Variants in BCL2L15 observed in about 807,000 individuals in gnomAD.
BCL2L15 encodes the protein bcl-2-like protein 15.
A neutral mutation model predicts 18.3 loss-of-function variants in BCL2L15; 15 were observed. The ratio of observed to expected loss-of-function variants is 0.82; its 90% CI spans 0.55 to 1.26. The LOEUF is 1.26. BCL2L15 is among the 50% of genes most tolerant of loss of function. BCL2L15 has a pLI of 0.00. For synonymous variants in BCL2L15, 58 were observed against 68.5 expected, an observed-to-expected ratio of 0.85 and a Z score of 0.76; for missense variants, 180 against 201.7, an observed-to-expected ratio of 0.89 and a Z score of 0.65.
At position 113,882,457 on chromosome 1, in the gene BCL2L15, C is replaced by T. The variant is rs539160163; in HGVS notation, c.250-460G>A. 3.5e-4 allele frequency among the ~76,000 whole-genome samples: 54 copies of T among 152,120 alleles called. No homozygotes were observed. In the Middle Eastern group the frequency reaches 0.01, roughly 29 times the overall value. The stretch of plus-strand genomic sequence containing the variant: ...GTCAGGAGTTCAAGACCAGCCTGGC[C>T]AACATGCTGAAACCCTGTCTCTACT... On this transcript the variant is annotated intron_variant, in intron 2 of 3. Coordinates refer to ENST00000393316, the MANE Select transcript of BCL2L15 (RefSeq NM_001010922.3).
chr1:113,878,781 AC>A lies in BCL2L15; in HGVS notation c.*2341del, dbSNP rs1207915158. The A allele has an allele frequency of 2.0e-5, 3 of 152,352 alleles. No homozygotes were observed. The highest frequency in any genetic ancestry group is 4.4e-5 in the Non-Finnish European group (3 of 68,044). The allele number at this position is 152,352 out of a possible 1,614,324, so 9.4% of individuals were successfully genotyped here. ...ATAATTTCTACTAAAGAGAAACAGG[AC>A]ACATCATTTATGGATTACTAACTTG... On this transcript the variant is annotated 3_prime_UTR_variant, in exon 4 of 4. Coordinates refer to ENST00000393316, the MANE Select transcript of BCL2L15 (RefSeq NM_001010922.3).
intron 2 of BCL2L15, among the ~76,000 whole-genome samples, chr1:113,886,025 T>G (rs1249858574): frequency 6.6e-6 from 1 of 151,340 alleles, no homozygotes; most frequent in African/African-American, 2.4e-5. Flanking sequence ...CCGGGCAACA[T>G]GGCAAAAACC....
chr1:113,878,225 A>G lies in BCL2L15; in HGVS notation c.*2898T>C, dbSNP rs149744223. ...ACAAAAATCTTATTAATAAGTTACC[A>G]AATCATCTCTATTTTACAAATGTAG... On this transcript the variant is annotated 3_prime_UTR_variant, in exon 4 of 4. Transcript: ENST00000393316. 29 of 152,370 alleles carry G rather than the reference A, an allele frequency of 1.9e-4. No individual in the cohort carries two copies. Among genetic ancestry groups the G allele is most frequent in the African/African-American group, 6.5e-4 (27 of 41,584 alleles). The allele number at this position is 152,370 out of a possible 1,614,324, so 9.4% of individuals were successfully genotyped here.
chr1:113,881,665 T>C lies in BCL2L15; in HGVS notation c.474+108A>G, dbSNP rs1666881492. The C allele has an allele frequency of 2.1e-6, 3 of 1,448,518 alleles. No individual in the cohort carries two copies. In the African/African-American group the frequency reaches 4.3e-5, roughly 21 times the overall value. The allele number at this position is 1,448,518 out of a possible 1,614,324, so 89.7% of individuals were successfully genotyped here. A position where few individuals can be genotyped will look rare whatever the true frequency, so the allele number is the denominator to read the frequency against. ...TTTTCAGCAAAATAGGGAAGCCTGT[T>C]TTCCTGTTGGTTTCCAATTTACAAA... On this transcript the variant is annotated intron_variant, in intron 3 of 3. Transcript: ENST00000393316.
chr1:113,881,981 T>G lies in BCL2L15; in HGVS notation c.266A>C (p.Gln89Pro). ...CTTGCTGAGAGATTCCACAGTGTCC[T>G]GGAGTATAGCTCCTGTCTGAGGAAA... The part of the protein sequence containing the change: ...TIKGQTGAIL[Q>P]DTVESLSKTW... The change falls in exon 3 of 4, where the codon CAG (glutamine) becomes CCG (proline). Residue 89 changes from glutamine to proline, a missense_variant. By Grantham distance (76) the Gln-to-Pro change is moderately conservative (BLOSUM62 -1). Coordinates refer to ENST00000393316, the MANE Select transcript of BCL2L15 (RefSeq NM_001010922.3). 6.2e-7 allele frequency: 1 copy of G among 1,613,746 alleles called. No homozygotes were observed. Among genetic ancestry groups the G allele is most frequent in the Non-Finnish European group, 8.5e-7 (1 of 1,179,644 alleles).
intron 2 of BCL2L15, among the ~76,000 whole-genome samples, chr1:113,885,498 T>C (rs1667001934): frequency 6.6e-6 from 1 of 151,942 alleles, no homozygotes; most frequent in African/African-American, 2.4e-5. Flanking sequence ...CTTGGCTCGC[T>C]GCAACCTCCA....
chr1:113,886,684 A>G (rs1667046380), intron 1 of BCL2L15, 26 bp from the exon 2 acceptor site: 1 of 1,575,394 alleles, frequency 6.3e-7, no homozygotes, highest in African/African-American at 1.4e-5. Context: ...CACATTTGTT[A>G]CAATGCTTGA....
rs781579334 is a variant in BCL2L15 at position 113,879,910 on chromosome 1, A to G, written c.*1213T>C. The G allele has an allele frequency of 6.6e-6, 1 of 152,220 alleles. No individual in the cohort carries two copies. Among genetic ancestry groups the G allele is most frequent in the Non-Finnish European group, 1.5e-5 (1 of 68,038 alleles). 9.4% of individuals were successfully genotyped at this position (152,220 alleles called of 1,614,324 possible). ...GTTGTAATTTATCAATCTATTCTCT[A>G]TAGTGATGGCTGTCACACTCTATAT... On this transcript the variant is annotated 3_prime_UTR_variant, in exon 4 of 4. Transcript: ENST00000393316.
In BCL2L15 at chr1:113,877,598, T is replaced by C. The variant is rs967955077; in HGVS notation, c.*3525A>G. Among the ~76,000 whole-genome samples, 3 of 152,212 alleles carry C rather than the reference T, an allele frequency of 2.0e-5. No individual in the cohort carries two copies. The highest frequency in any genetic ancestry group is 4.4e-5 in the Non-Finnish European group (3 of 68,034). On this transcript the variant is annotated 3_prime_UTR_variant, in exon 4 of 4. Transcript: ENST00000393316. ...AGATGTTTAAGTCTTGTAATCTTCA[T>C]TGGTATGTTAAATTTAAAAATGAAT...
intron 2 of BCL2L15, among the ~76,000 whole-genome samples, chr1:113,883,412 G>A (rs1666939401): frequency 6.6e-6 from 1 of 151,492 alleles, no homozygotes; most frequent in Non-Finnish European, 1.5e-5. Flanking sequence ...AACCGGGGAG[G>A]CAGAGGTTGA....
intron 3 of BCL2L15, 176 bp downstream of exon 3, chr1:113,881,597 G>C: frequency 7.0e-7 from 1 of 1,429,328 alleles, no homozygotes; most frequent in South Asian, 1.5e-5. Flanking sequence ...CACAGGCTGA[G>C]CTTCTGTCTG....
At chr1:113,886,697 C>A in intron 1 of BCL2L15, 39 bp from the exon 2 acceptor site, 1 of 1,550,672 alleles carries the variant, frequency 6.4e-7, no homozygotes, top group Non-Finnish European at 8.7e-7. Flanking sequence ...ATGCTTGAAG[C>A]AATGGCAAGT....
rs1416491038 is a variant in BCL2L15 at position 113,881,866 on chromosome 1, A to G, written c.381T>C (p.Ala127=). The change falls in exon 3 of 4, where the codon GCT becomes GCC. Residue 127 remains alanine, a synonymous_variant. Transcript: ENST00000393316. ...VKLLEYMAHI[A]PEVVGQVAIP... ...TAGCCACCTGTCCCACTACTTCAGG[A>G]GCAATGTGAGCCATGTACTCAAGAA... 1.2e-6 allele frequency: 2 copies of G among 1,614,204 alleles called. No homozygotes were observed. The highest frequency in any genetic ancestry group is 2.2e-5 in the East Asian group (1 of 44,888).
At chr1:113,887,194 G>A (rs538548057) in intron 1 of BCL2L15, 55 bp downstream of exon 1, 28 of 1,546,988 alleles carry the variant, frequency 1.8e-5, no homozygotes, top group Admixed American at 3.4e-5. Flanking sequence ...CACTGCGCCC[G>A]GCTGAAAACA....
At chr1:113,886,403 A>G in intron 2 of BCL2L15, 134 bp downstream of exon 2, 2 of 1,066,150 alleles carry the variant, frequency 1.9e-6, no homozygotes, top group Non-Finnish European at 2.6e-6. Context: ...AATTCTTGCT[A>G]TACTTCCTTG....
chr1:113,884,531 G>T (rs139576396), intron 2 of BCL2L15, among the ~76,000 whole-genome samples: 7 of 152,256 alleles, frequency 4.6e-5, no homozygotes, highest in African/African-American at 1.7e-4. Context: ...AGGATTAGAT[G>T]ATAATGAATC....
rs935379723 is a variant in BCL2L15 at position 113,887,457 on chromosome 1, T to G, written c.-82A>C. The G allele has an allele frequency of 6.9e-6, 11 of 1,589,762 alleles. No homozygotes were observed. The highest frequency in any genetic ancestry group is 9.4e-6 in the Non-Finnish European group (11 of 1,164,580). On this transcript the variant is annotated 5_prime_UTR_variant, in exon 1 of 4. Coordinates refer to ENST00000393316, the MANE Select transcript of BCL2L15 (RefSeq NM_001010922.3). The stretch of plus-strand genomic sequence containing the variant: ...GCAGGAAGTTAAAAACACTGGTAAA[T>G]CAACAAATGTTTCTACCTCTTGTAG...
In BCL2L15 at chr1:113,887,259, T is replaced by G. The variant is rs760296097; in HGVS notation, c.117A>C (p.Glu39Asp). 4 of 1,613,706 alleles carry G rather than the reference T, an allele frequency of 2.5e-6. No individual in the cohort carries two copies. The South Asian group carries it at 4.4e-5, about 18-fold the overall frequency. Residue 39 changes from glutamate to aspartate, a missense_variant, in exon 1 of 4, where the codon GAA (glutamate) becomes GAC (aspartate). Transcript: ENST00000393316. The part of the protein sequence containing the change: ...VASRNLCCVD[E>D]VDSGEPCSFD... ...GGGCAGGAACCTTACCTGAATCTAC[T>G]TCATCTACACAGCATAGGTTCCGGC... is the stretch of plus-strand genomic sequence containing the variant.
At chr1:113,884,386 A>C (rs887334022) in intron 2 of BCL2L15, among the ~76,000 whole-genome samples, 1 of 152,238 alleles carries the variant, frequency 6.6e-6, no homozygotes, top group Non-Finnish European at 1.5e-5. Context: ...AAAATCAAGG[A>C]AAGACTAAGG....
Sources: gnomAD v4.1 joint callset for allele counts (sites outside exome capture counted in the v4.1 genomes callset) on GRCh38, gnomAD v4.1.1 for gene constraint, MANE v1.5 for transcripts, NCBI Gene and HGNC (gene_info 2026-07-23, HGNC 2026-07-21) for gene names.